Variants in ARSG observed in about 807,000 individuals in gnomAD.
ARSG encodes ASG.
In ARSG, 37 loss-of-function variants were observed where a neutral mutation model predicts 50.5. That is an observed-to-expected ratio of 0.73 (90% CI 0.56 to 0.96). ARSG has a LOEUF of 0.96. Ranked by LOEUF, ARSG falls within the 50% of genes least tolerant of loss-of-function variation. The probability of loss-of-function intolerance (pLI) is 0.00; values close to 1 mark genes in which losing one functional copy is unlikely to be tolerated. For missense variants in ARSG, 629 were observed against 675.3 expected (o/e 0.93, Z 0.76); for synonymous variants, 225 against 254.6 (o/e 0.88, Z 1.11).
chr17:68,433,034 T>C, the ARSG span, among the ~76,000 whole-genome samples: 1 of 152,240 alleles, frequency 6.6e-6, no homozygotes, highest in African/African-American at 2.4e-5. Flanking sequence ...AAGCGCTCAG[T>C]GGTGCTGCTG....
downstream of ARSG, chr17:68,426,254 G>GGGGGGGCCCCCC: frequency 1.2e-6 from 1 of 816,920 alleles, no homozygotes; most frequent in Non-Finnish European, 1.9e-6. Flanking sequence ...GGGAGCGGGG[G>GGGGGGGCCCCCC]CTCAAATAAA....
At chr17:68,371,100 C>T (rs1193384618) in intron 8 of ARSG, among the ~76,000 whole-genome samples, 1 of 151,968 alleles carries the variant, frequency 6.6e-6, no homozygotes, top group Non-Finnish European at 1.5e-5. Context: ...GCCGGCGGAT[C>T]ACGAGGTCAG....
chr17:68,266,480 T>C (rs1483225956), intron 1 of ARSG, among the ~76,000 whole-genome samples: 4 of 127,664 alleles, frequency 3.1e-5, no homozygotes, highest in African/African-American at 1.0e-4. Context: ...TATATACTTT[T>C]TTTTTGTATA....
intron 2 of ARSG, among the ~76,000 whole-genome samples, chr17:68,338,802 T>G (rs562780595): frequency 6.6e-6 from 1 of 152,208 alleles, no homozygotes; most frequent in Admixed American, 6.5e-5. Flanking sequence ...TTATAACTAT[T>G]CGTTGTAAAA....
intron 11 of ARSG, among the ~76,000 whole-genome samples, chr17:68,406,025 T>C (rs1471819651): frequency 6.6e-6 from 1 of 152,176 alleles, no homozygotes; most frequent in Non-Finnish European, 1.5e-5. Flanking sequence ...TTTGTAGTCT[T>C]TCATCCCTTG....
At chr17:68,385,268 A>T in intron 9 of ARSG, 96 bp downstream of exon 9, 1 of 1,079,602 alleles carries the variant, frequency 9.3e-7, no homozygotes, top group Non-Finnish European at 1.4e-6. Flanking sequence ...GGCTAGATGG[A>T]GGCATGGGTG....
chr17:68,423,637 G>T (rs2082954309), downstream of ARSG, among the ~76,000 whole-genome samples: 1 of 152,192 alleles, frequency 6.6e-6, no homozygotes, highest in South Asian at 2.1e-4. The surrounding 1 kb of genome is among the most constrained non-coding windows in gnomAD (Gnocchi z 4.4). Flanking sequence ...GGAGGGAGAA[G>T]AAACAACTGG....
chr17:68,429,060 A>G, the ARSG span: 443 of 700,274 alleles, frequency 6.3e-4, no homozygotes, highest in African/African-American at 7.3e-3. Context: ...CCCTTAGCCC[A>G]CTGATCTGGT....
At chr17:68,445,724 C>T in the ARSG span, among the ~76,000 whole-genome samples, 5 of 152,302 alleles carry the variant, frequency 3.3e-5, no homozygotes, top group Middle Eastern at 6.8e-3. Flanking sequence ...TAACGCATAG[C>T]CCAGTACAAG....
Position 68,301,054 on chromosome 17 carries a change from C to A in ARSG, c.-551-5889C>A, listed in dbSNP as rs551913826. On this transcript the variant is annotated intron_variant, in intron 1 of 11. Coordinates refer to ENST00000621439, the MANE Select transcript of ARSG (RefSeq NM_001267727.2). The stretch of plus-strand genomic sequence containing the variant: ...AATGGTGTGAACCTGGAAGGCGGAG[C>A]TTGCAGTGAGCCGAGATCGCACCAC... Among the ~76,000 whole-genome samples the A allele has an allele frequency of 2.6e-5, 4 of 151,020 alleles. No individual in the cohort carries two copies. In the East Asian group the frequency reaches 7.8e-4, roughly 30 times the overall value.
chr17:68,331,858 G>T (rs2077787775), intron 2 of ARSG, among the ~76,000 whole-genome samples: 1 of 152,186 alleles, frequency 6.6e-6, no homozygotes, highest in Non-Finnish European at 1.5e-5. Context: ...CTTGGGGAGG[G>T]AGTGTACGAA....
chr17:68,343,028 C>T (rs758969960), intron 2 of ARSG, among the ~76,000 whole-genome samples: 22 of 152,282 alleles, frequency 1.4e-4, no homozygotes, highest in East Asian at 5.8e-4. Context: ...GTGGAATCTT[C>T]GAATAAATAA....
intron 4 of ARSG, among the ~76,000 whole-genome samples, chr17:68,349,453 C>A (rs745442121): frequency 6.6e-6 from 1 of 152,188 alleles, no homozygotes; most frequent in South Asian, 2.1e-4. Flanking sequence ...CTCTTTCCGG[C>A]AGAAGTTTGC....
At chr17:68,313,840 G>A (rs1266141189) in intron 2 of ARSG, among the ~76,000 whole-genome samples, 5 of 151,930 alleles carry the variant, frequency 3.3e-5, no homozygotes, top group African/African-American at 9.7e-5. Flanking sequence ...CACTACGCAC[G>A]GCTGATTTTT....
upstream of ARSG, among the ~76,000 whole-genome samples, chr17:68,289,254 C>T (rs1215618114): frequency 1.3e-5 from 2 of 152,074 alleles, no homozygotes; most frequent in Non-Finnish European, 2.9e-5. Flanking sequence ...GCAGAGATGA[C>T]GCTACTGCAC....
At chr17:68,306,685 G>A (rs2076622674) in intron 1 of ARSG, among the ~76,000 whole-genome samples, 4 of 152,138 alleles carry the variant, frequency 2.6e-5, no homozygotes, top group Admixed American at 2.6e-4. Flanking sequence ...AGAACACTGG[G>A]CCTCAATATC....
intron 6 of ARSG, 124 bp downstream of exon 6, chr17:68,356,928 G>T: frequency 2.6e-6 from 3 of 1,170,122 alleles, no homozygotes; most frequent in Non-Finnish European, 3.6e-6. Context: ...AGCAGAGATG[G>T]ATGCATACAT....
intron 2 of ARSG, among the ~76,000 whole-genome samples, chr17:68,333,924 C>T (rs1275036135): frequency 1.3e-5 from 2 of 152,072 alleles, no homozygotes; most frequent in African/African-American, 2.4e-5. Context: ...CTGCCAGGGA[C>T]GCTTTGAAAG....
chr17:68,401,775 C>T (rs1329542036), intron 11 of ARSG, among the ~76,000 whole-genome samples: 2 of 152,120 alleles, frequency 1.3e-5, no homozygotes, highest in African/African-American at 2.4e-5. Context: ...TAAATGGAAG[C>T]CTAGAGATAT....
Sources: gnomAD v4.1 joint callset for allele counts (sites outside exome capture counted in the v4.1 genomes callset) on GRCh38, gnomAD v4.1.1 for gene constraint, Gnocchi (gnomAD v3.1) non-coding constraint, MANE v1.5 for transcripts, NCBI Gene and HGNC (gene_info 2026-07-23, HGNC 2026-07-21) for gene names.